The following NF1 variants were observed in gnomAD, a reference collection of about 807,000 sequenced individuals.
The protein encoded by NF1 is neurofibromin.
A neutral mutation model predicts 325.7 loss-of-function variants in NF1; 122 were observed. The observed-to-expected ratio is 0.37, with a 90% CI of 0.32 to 0.44. The LOEUF (loss-of-function observed/expected upper bound fraction) is 0.44. NF1 is among the 20% of genes least tolerant of loss of function. The pLI, the probability that NF1 is intolerant of heterozygous loss-of-function variation, is 1.00. For synonymous variants in NF1, 1,091 were observed against 1,186.0 expected, an observed-to-expected ratio of 0.92 and a Z score of 1.65; for missense variants, 2,140 against 3,415.4, an observed-to-expected ratio of 0.63 and a Z score of 9.31.
intron 54 of NF1, chr17:31,358,064 ATT>A (rs985865032): frequency 2.0e-4 from 41 of 200,552 alleles, no homozygotes; most frequent in Admixed American, 2.7e-4. Flanking sequence ...ATTAAATTTA[ATT>A]TTTTTCTTTT....
At chr17:31,366,639 A>C (rs1047864558) in intron 57 of NF1, among the ~76,000 whole-genome samples, 39 of 152,202 alleles carry the variant, frequency 2.6e-4, no homozygotes, top group African/African-American at 8.9e-4. Flanking sequence ...TTGTGGTCCC[A>C]GCTACTAGGG....
intron 1 of NF1, among the ~76,000 whole-genome samples, chr17:31,144,822 C>T (rs1916478994): frequency 1.3e-5 from 2 of 152,190 alleles, no homozygotes; most frequent in Non-Finnish European, 2.9e-5. Context: ...AGAATAGTCA[C>T]TGGACCTGCT....
rs759969966 is a variant in NF1, at chr17:31,350,173, T to G, written c.7322-10T>G. 1.9e-6 allele frequency: 3 copies of G among 1,613,978 alleles called. No homozygotes were observed. Among genetic ancestry groups the G allele is most frequent in the Non-Finnish European group, 2.5e-6 (3 of 1,179,882 alleles). On this transcript the variant is annotated splice_polypyrimidine_tract_variant and intron_variant, in intron 49 of 57. Transcript: ENST00000358273. Reference sequence around the variant, plus strand: ...TTAAATTTTTTAACCTGCCACCGTTTTCCTTTTAGCTTTACTTACAGTGTC... The same window carrying G: ...TTAAATTTTTTAACCTGCCACCGTTGTCCTTTTAGCTTTACTTACAGTGTC...
chr17:31,118,430 A>G (rs533412677), intron 1 of NF1, among the ~76,000 whole-genome samples: 17 of 151,770 alleles, frequency 1.1e-4, no homozygotes, highest in Admixed American at 6.6e-4. Flanking sequence ...TCCTAATGCT[A>G]TCCCTCCCCT....
At chr17:31,181,893 ACAT>A in intron 7 of NF1, 108 bp downstream of exon 7, 1 of 807,476 alleles carries the variant, frequency 1.2e-6, no homozygotes, top group Non-Finnish European at 2.1e-6. Context: ...AGGTGCTTTT[ACAT>A]CTTCTATTGT....
Position 31,360,576 on chromosome 17 carries a change from C to G in NF1, c.8250C>G (p.Thr2750=), listed in dbSNP as rs769488796. The change falls in exon 57 of 58, where the codon ACC becomes ACG. Residue 2750 remains threonine, a synonymous_variant. Coordinates refer to ENST00000358273, the MANE Select transcript of NF1 (RefSeq NM_001042492.3). ...DTYLPGIDEE[T]SEESLLTPTS... is the part of the protein sequence containing the mutation. ...ACCTGCCTGGAATTGATGAAGAAACCAGTGAAGAATCCCTCCTGACTCCCA... is the reference window on the plus strand; with the variant it reads ...ACCTGCCTGGAATTGATGAAGAAACGAGTGAAGAATCCCTCCTGACTCCCA... The G allele has an allele frequency of 6.2e-7, 1 of 1,614,020 alleles. No homozygotes were observed. The highest frequency in any genetic ancestry group is 1.7e-5 in the Admixed American group (1 of 60,016).
At chr17:31,267,053 TC>T (rs2067803379) in intron 36 of NF1, among the ~76,000 whole-genome samples, 1 of 152,006 alleles carries the variant, frequency 6.6e-6, no homozygotes, top group Non-Finnish European at 1.5e-5. Context: ...TGTCTTAGCC[TC>T]CCGAGTAGCT....
At position 31,349,245 on chromosome 17, in the gene NF1, T is replaced by C. The variant is rs1597858629; in HGVS notation, c.7315T>C (p.Leu2439=). 1 of 1,612,810 alleles carries C rather than the reference T, an allele frequency of 6.2e-7. No individual in the cohort carries two copies. Among genetic ancestry groups the C allele is most frequent in the Non-Finnish European group, 8.5e-7 (1 of 1,179,714 alleles). ...FEVNTQSVAY[L]AALLTVSEEV... is the part of the protein sequence containing the mutation. Reference sequence around the variant, plus strand: ...AGTGAATACACAGAGCGTGGCCTACTTAGCAGGTAAAAACACAAAATAAAC... The same window carrying C: ...AGTGAATACACAGAGCGTGGCCTACCTAGCAGGTAAAAACACAAAATAAAC... The change falls in exon 49 of 58, where the codon TTA becomes CTA. Residue 2439 remains leucine (L), a synonymous_variant. Transcript: ENST00000358273.
chr17:31,227,451 A>T, intron 19 of NF1, 72 bp from the exon 20 acceptor site: 8 of 1,533,390 alleles, frequency 5.2e-6, no homozygotes, highest in Non-Finnish European at 7.2e-6. Context: ...TCAAGTTTGA[A>T]ACTTGGCTGT....
rs761490376 is a variant in NF1, at chr17:31,376,826, G to A, written c.*2671G>A. The A allele has an allele frequency of 8.6e-6, 2 of 233,060 alleles. No homozygotes were observed. The highest frequency in any genetic ancestry group is 2.2e-5 in the African/African-American group (1 of 45,334). The allele number at this position is 233,060 out of a possible 1,614,324, so 14.4% of individuals were successfully genotyped here. A position where few individuals can be genotyped will look rare whatever the true frequency, so the allele number is the denominator to read the frequency against. On this transcript the variant is annotated 3_prime_UTR_variant, in exon 58 of 58. Transcript: ENST00000358273. ...ACCTGTTATGCCAGTACTCCCATCC[G>A]AGGGGCATGCCCTTAGTTGCCCAGA...
intron 8 of NF1, among the ~76,000 whole-genome samples, chr17:31,184,668 AAAAATAAAAAAAT>A (rs1342623555): frequency 4.0e-5 from 6 of 149,276 alleles, no homozygotes; most frequent in Admixed American, 2.0e-4. Context: ...AATAAAAAAA[AAAAATAAAAAAAT>A]AAAATAGAAA....
chr17:31,269,083 T>A (rs1307753990), intron 36 of NF1, among the ~76,000 whole-genome samples: 1 of 152,044 alleles, frequency 6.6e-6, no homozygotes, highest in South Asian at 2.1e-4. Context: ...GAAACCATTT[T>A]CCCCCACTGC....
intron 36 of NF1, among the ~76,000 whole-genome samples, chr17:31,266,150 T>C (rs2067784339): frequency 6.6e-6 from 1 of 152,248 alleles, no homozygotes; most frequent in Non-Finnish European, 1.5e-5. Flanking sequence ...TCATTAGTTA[T>C]AGACTTAATC....
At position 31,222,163 on chromosome 17, in the gene NF1, A is replaced by G. The variant is rs1354683260; in HGVS notation, c.1721+234A>G. ...GAATAGTGCTAAATTTTGTCACCCT[A>G]ACATAAGTACTGTTGTTTGGTATAT... On this transcript the variant is annotated intron_variant, in intron 15 of 57. Transcript: ENST00000358273. 2.4e-6 allele frequency: 3 copies of G among 1,247,690 alleles called. No individual in the cohort carries two copies. The East Asian group carries it at 9.7e-5, about 40-fold the overall frequency. 77.3% of individuals were successfully genotyped at this position (1,247,690 alleles called of 1,614,324 possible).
chr17:31,367,310 A>G (rs1567631649), intron 57 of NF1: 2 of 1,273,106 alleles, frequency 1.6e-6, no homozygotes, highest in Non-Finnish European at 2.1e-6. Flanking sequence ...TTTGCACGAA[A>G]ATACTGCTTA....
chr17:31,235,287 T>C (rs1356040109), intron 27 of NF1, among the ~76,000 whole-genome samples: 2 of 152,242 alleles, frequency 1.3e-5, no homozygotes, highest in Non-Finnish European at 2.9e-5. Flanking sequence ...TTTGCTGTCA[T>C]CTTCTGTTTC....
chr17:31,351,604 T>A (rs2070146750), intron 50 of NF1, among the ~76,000 whole-genome samples: 1 of 152,158 alleles, frequency 6.6e-6, no homozygotes, highest in African/African-American at 2.4e-5. Flanking sequence ...TTTGTAGAGA[T>A]GGGGTTTCAC....
intron 36 of NF1, chr17:31,308,078 G>A: frequency 2.9e-6 from 1 of 340,576 alleles, no homozygotes; most frequent in South Asian, 2.5e-5. Context: ...TCTTAAAAGT[G>A]TGCATGATCA....
intron 29 of NF1, among the ~76,000 whole-genome samples, chr17:31,243,145 A>T (rs1172524993): frequency 2.1e-5 from 3 of 142,016 alleles, no homozygotes; most frequent in Non-Finnish European, 3.1e-5. Context: ...CTCTTCCCTT[A>T]CTTTCCTCTA....
Sources: allele counts gnomAD v4.1 joint callset (sites outside exome capture counted in the v4.1 genomes callset), GRCh38; gene constraint gnomAD v4.1.1; transcripts MANE v1.5; gene names NCBI Gene and HGNC (gene_info 2026-07-23, HGNC 2026-07-21).